UCP3: variants seen among roughly 807,000 people sequenced by gnomAD.
UCP3 encodes the protein putative mitochondrial transporter UCP3.
UCP3 carries 24 observed loss-of-function variants against 28.1 expected under a neutral mutation model. That is an observed-to-expected ratio of 0.85 (90% confidence interval 0.62 to 1.20). The LOEUF (loss-of-function observed/expected upper bound fraction) is 1.20. UCP3 is among the 50% of genes most tolerant of loss of function. UCP3 has a pLI of 0.00. For synonymous variants in UCP3, 184 were observed against 171.2 expected, an observed-to-expected ratio of 1.07 and a Z score of -0.59; for missense variants, 397 against 422.2, an observed-to-expected ratio of 0.94 and a Z score of 0.52.
rs559461087 is a variant in UCP3 at position 74,000,863 on chromosome 11, T to G, written c.*549A>C. The G allele has an allele frequency of 2.0e-5, 3 of 153,694 alleles. No individual in the cohort carries two copies. The highest frequency in any genetic ancestry group is 6.5e-5 in the Admixed American group (1 of 15,422). 9.5% of individuals were successfully genotyped at this position (153,694 alleles called of 1,614,324 possible). ...AGGCTCTAGTTTTTTCTCTTGTTCCTTGGGTTTCCTAGAATCCCAAAGGAC... is the reference window on the plus strand; with the variant it reads ...AGGCTCTAGTTTTTTCTCTTGTTCCGTGGGTTTCCTAGAATCCCAAAGGAC... On this transcript the variant is annotated 3_prime_UTR_variant, in exon 7 of 7. Transcript: ENST00000314032.
chr11:74,007,766 C>G (rs1292187238), intron 1 of UCP3, among the ~76,000 whole-genome samples: 1 of 152,148 alleles, frequency 6.6e-6, no homozygotes, highest in East Asian at 1.9e-4. Flanking sequence ...GGCTCTAGAA[C>G]TTTCAGTAGT....
Position 74,006,365 on chromosome 11 carries a change from G to A in UCP3, c.141C>T (p.Asn47=). 6.3e-7 allele frequency: 1 copy of A among 1,575,032 alleles called. No individual in the cohort carries two copies. Among genetic ancestry groups the A allele is most frequent in the Non-Finnish European group, 8.6e-7 (1 of 1,163,366 alleles). ...AKVRLQIQGE[N]QAVQTARLVQ... Reference sequence around the variant, plus strand: ...CGAGCCGGGCCGTCTGGACCGCCTGGTTCTCCCCCTGGATCTGAGGGACAA... The same window carrying A: ...CGAGCCGGGCCGTCTGGACCGCCTGATTCTCCCCCTGGATCTGAGGGACAA... The change falls in exon 3 of 7, where the codon AAC becomes AAT. Residue 47 remains asparagine, a synonymous_variant. Coordinates refer to ENST00000314032, the MANE Select transcript of UCP3 (RefSeq NM_003356.4).
chr11:74,003,624 T>C (rs943385051), intron 6 of UCP3: 2 of 1,375,708 alleles, frequency 1.5e-6, no homozygotes, highest in Non-Finnish European at 1.9e-6. Flanking sequence ...GTGTTTGTTC[T>C]CAGTCAGGCT....
intron 3 of UCP3, 40 bp downstream of exon 3, chr11:74,006,129 T>A (rs1464321208): frequency 6.2e-7 from 1 of 1,610,886 alleles, no homozygotes; most frequent in African/African-American, 1.3e-5. Flanking sequence ...CCCACACACT[T>A]TCAGCCACCC....
In UCP3 at chr11:74,003,984, A is replaced by G; in HGVS notation, c.667T>C (p.Ser223Pro). 1 of 1,614,108 alleles carries G rather than the reference A, an allele frequency of 6.2e-7. No individual in the cohort carries two copies. The change falls in exon 6 of 7, where the codon TCT becomes CCT. Residue 223 changes from serine to proline, a missense_variant. Ser to Pro is a moderately conservative substitution (Grantham distance 74). Coordinates refer to ENST00000314032, the MANE Select transcript of UCP3 (RefSeq NM_003356.4). ...GCACAGAAGCCGGCTCCAAAGGCAG[A>G]GACAAAGTGGCAGGGGAAGTTGTCT... ...LTDNFPCHFV[S>P]AFGAGFCATV... is the part of the protein sequence containing the mutation.
At chr11:74,004,624 G>A in intron 4 of UCP3, 39 bp from the exon 5 acceptor site, 1 of 1,577,672 alleles carries the variant, frequency 6.3e-7, no homozygotes, top group South Asian at 1.1e-5. Context: ...GAAATGGGTG[G>A]GGAGGGAGGA....
rs775725762 is a variant in UCP3, at chr11:74,005,917, G to C, written c.354C>G (p.Thr118=). Residue 118 remains threonine, a synonymous_variant, in exon 4 of 7, where the codon ACC becomes ACG. Coordinates refer to ENST00000314032, the MANE Select transcript of UCP3 (RefSeq NM_003356.4). The part of the protein sequence containing the change: ...PKGADNSSLT[T]RILAGCTTGA... ...CTGTGGTGCAGCCGGCCAAAATCCG[G>C]GTAGTGAGGCTGGAGTCTGGGAGGG... 1.2e-6 allele frequency: 2 copies of C among 1,614,048 alleles called. No homozygotes were observed. Among genetic ancestry groups the C allele is most frequent in the Non-Finnish European group, 1.7e-6 (2 of 1,180,036 alleles).
At chr11:74,003,605 A>C (rs17132555) in intron 6 of UCP3, 4 of 1,317,794 alleles carry the variant, frequency 3.0e-6, no homozygotes, top group Middle Eastern at 2.9e-4. Flanking sequence ...ACTTTTACCT[A>C]TTCCTGGAGT....
At position 74,003,808 on chromosome 11, in the gene UCP3, G is replaced by A; in HGVS notation, c.824+19C>T. The A allele has an allele frequency of 6.4e-7, 1 of 1,563,074 alleles. No individual in the cohort carries two copies. The highest frequency in any genetic ancestry group is 8.6e-7 in the Non-Finnish European group (1 of 1,157,340). ...CCCTGTTCTCTGGGAGGGAGTGCTG[G>A]AGGCAGGAGGAGGCTCACCCCTTGT... is the stretch of plus-strand genomic sequence containing the variant. On this transcript the variant is annotated intron_variant, in intron 6 of 6. Transcript: ENST00000314032.
chr11:74,007,092 G>C lies in UCP3; in HGVS notation c.-50C>G. 2 of 1,608,232 alleles carry C rather than the reference G, an allele frequency of 1.2e-6. No homozygotes were observed. The highest frequency in any genetic ancestry group is 1.7e-6 in the Non-Finnish European group (2 of 1,178,510). On this transcript the variant is annotated 5_prime_UTR_variant, in exon 2 of 7. Transcript: ENST00000314032. ...CCTTTAGGGCCGAGAGGAGGTCCAA[G>C]GAGAGAGGCTGCTCCACAGCCCTGG...
rs1394878450 is a variant in UCP3 at position 74,003,376 on chromosome 11, GGGA to G, written c.824+448_824+450del. 7.2e-6 allele frequency: 6 copies of G among 834,224 alleles called. No individual in the cohort carries two copies. In the African/African-American group the frequency reaches 9.2e-5, roughly 13 times the overall value. The allele number at this position is 834,224 out of a possible 1,614,324, so 51.7% of individuals were successfully genotyped here. ...GAAAAATTTACACCTGAGAGTGTTA[GGGA>G]GGAGGTGGCATTTGAACTCGTCTTG... On this transcript the variant is annotated intron_variant, in intron 6 of 6. Transcript: ENST00000314032.
intron 5 of UCP3, 94 bp from the exon 6 acceptor site, chr11:74,004,101 G>T: frequency 6.5e-7 from 1 of 1,548,780 alleles, no homozygotes. Flanking sequence ...TGAACTCCCT[G>T]AGCATAGGAC....
intron 6 of UCP3, 149 bp from the exon 7 acceptor site, chr11:74,001,675 C>CA: frequency 3.3e-6 from 2 of 607,032 alleles, no homozygotes; most frequent in Non-Finnish European, 5.7e-6. Context: ...CTCTCTCTCT[C>CA]TTTTTTTTTT....
intron 1 of UCP3, among the ~76,000 whole-genome samples, chr11:74,007,807 G>T (rs1338617666): frequency 6.6e-6 from 1 of 152,126 alleles, no homozygotes; most frequent in African/African-American, 2.4e-5. Flanking sequence ...AGCCACAGTG[G>T]TGGGCACAGG....
chr11:74,003,752 C>A, intron 6 of UCP3, 75 bp downstream of exon 6: 2 of 1,514,636 alleles, frequency 1.3e-6, no homozygotes. Flanking sequence ...CCAGGTTGAC[C>A]CACGGTAGCC....
intron 1 of UCP3, 149 bp from the exon 2 acceptor site, chr11:74,007,286 A>G (rs1951674714): frequency 1.9e-6 from 1 of 537,754 alleles, no homozygotes; most frequent in African/African-American, 1.9e-5. Context: ...AAAACAGGTC[A>G]CGTTCCTATC....
intron 2 of UCP3, among the ~76,000 whole-genome samples, chr11:74,006,710 G>T (rs1015440580): frequency 8.5e-5 from 13 of 152,206 alleles, no homozygotes; most frequent in Admixed American, 7.9e-4. Context: ...AGCCCATAAA[G>T]GGCCCTGTCA....
rs1353181753 is a variant in UCP3 at position 74,001,544 on chromosome 11, C to A, written c.825-18G>T. The A allele has an allele frequency of 6.2e-7, 1 of 1,612,278 alleles. No individual in the cohort carries two copies. Among genetic ancestry groups the A allele is most frequent in the East Asian group, 2.2e-5 (1 of 44,878 alleles). Reference sequence around the variant, plus strand: ...GTGTAAATCTGATAAGAAAAACAACCAACACATCAGGTGGAGTGCTAGGGG... The same window carrying A: ...GTGTAAATCTGATAAGAAAAACAACAAACACATCAGGTGGAGTGCTAGGGG... On this transcript the variant is annotated intron_variant, in intron 6 of 6. Transcript: ENST00000314032.
Position 74,001,435 on chromosome 11 carries a change from T to C in UCP3, c.916A>G (p.Met306Val). ...GTTCAAAACGGTGATTCCCGTAACA[T>C]CTGGACTTTCATCAGGGCCCGTTTC... ...QLKRALMKVQ[M>V]LRESPF The change falls in exon 7 of 7, where the codon ATG (methionine) becomes GTG (valine). Residue 306 changes from methionine to valine, a missense_variant. Physicochemically the swap from Met to Val is conservative, Grantham distance 21. Transcript: ENST00000314032. 2 of 1,614,186 alleles carry C rather than the reference T, an allele frequency of 1.2e-6. No individual in the cohort carries two copies. Among genetic ancestry groups the C allele is most frequent in the Non-Finnish European group, 1.7e-6 (2 of 1,180,034 alleles).
Sources: gnomAD v4.1 joint callset for allele counts (sites outside exome capture counted in the v4.1 genomes callset) on GRCh38, gnomAD v4.1.1 for gene constraint, MANE v1.5 for transcripts, NCBI Gene and HGNC (gene_info 2026-07-23, HGNC 2026-07-21) for gene names.